Variants in ACTR10 observed in about 807,000 individuals in gnomAD.
The protein encoded by ACTR10 is actin-related protein 10.
In ACTR10, 43 loss-of-function variants were observed where a neutral mutation model predicts 56.2. That is an observed-to-expected ratio of 0.77 (90% CI 0.60 to 0.99). ACTR10 has a LOEUF of 0.99. Ranked by LOEUF, ACTR10 falls within the 50% of genes least tolerant of loss-of-function variation. The pLI, the probability that ACTR10 is intolerant of heterozygous loss-of-function variation, is 0.00. For missense variants in ACTR10, 466 were observed against 507.8 expected (o/e 0.92, Z 0.79); for synonymous variants, 170 against 176.3 (o/e 0.96, Z 0.28).
In ACTR10 at chr14:58,200,207, G is replaced by T. The variant is rs1446862506; in HGVS notation, c.-11G>T. 1 of 1,529,576 alleles carries T rather than the reference G, an allele frequency of 6.5e-7. No individual in the cohort carries two copies. Among genetic ancestry groups the T allele is most frequent in the African/African-American group, 1.4e-5 (1 of 70,098 alleles). The allele number at this position is 1,529,576 out of a possible 1,614,324, so 94.8% of individuals were successfully genotyped here. A position where few individuals can be genotyped will look rare whatever the true frequency, so the allele number is the denominator to read the frequency against. On this transcript the variant is annotated 5_prime_UTR_variant, in exon 1 of 13. Transcript: ENST00000254286. ...GACTGCGACCCTCTTCTCTCAGTCT[G>T]CCTTACTACCATGCCGCTCTACGAG...
intron 10 of ACTR10, among the ~76,000 whole-genome samples, chr14:58,226,842 T>C (rs1323212946): frequency 6.6e-6 from 1 of 152,042 alleles, no homozygotes; most frequent in African/African-American, 2.4e-5. Flanking sequence ...TCAGGTGATC[T>C]GCCTGCCTTG....
chr14:58,203,010 CA>C, intron 2 of ACTR10, 83 bp downstream of exon 2: 1 of 1,033,986 alleles, frequency 9.7e-7, no homozygotes, highest in Non-Finnish European at 1.4e-6. Context: ...TTGATTAAAA[CA>C]GTACTAAAGG....
At position 58,200,239 on chromosome 14, in the gene ACTR10, G is replaced by T; in HGVS notation, c.22G>T (p.Gly8Trp). Residue 8 changes from glycine to tryptophan, a missense_variant, in exon 1 of 13, where the codon GGG becomes TGG. Gly to Trp is a radical substitution (Grantham distance 184). Coordinates refer to ENST00000254286, the MANE Select transcript of ACTR10 (RefSeq NM_018477.3). Reference protein sequence around the residue: MPLYEGLGSGGEKTAVVI... With the variant: MPLYEGLWSGGEKTAVVI... ...TACCATGCCGCTCTACGAGGGCCTG[G>T]GGAGCGGCGGGGAGAAGACGGCGGT... 1 of 1,518,052 alleles carries T rather than the reference G, an allele frequency of 6.6e-7. No individual in the cohort carries two copies. 94.0% of individuals were successfully genotyped at this position (1,518,052 alleles called of 1,614,324 possible).
intron 2 of ACTR10, among the ~76,000 whole-genome samples, chr14:58,206,163 G>C (rs1376657546): frequency 6.6e-6 from 1 of 151,768 alleles, no homozygotes. Flanking sequence ...CACTTTCCTT[G>C]GTGCTTTGAG....
chr14:58,201,907 G>A lies in ACTR10; in HGVS notation c.78-948G>A, dbSNP rs74818253. Among the ~76,000 whole-genome samples the A allele has an allele frequency of 9.7e-3, 1,473 of 151,992 alleles. 12 individuals are homozygous for A. Among genetic ancestry groups the A allele is most frequent in the Non-Finnish European group, 0.014 (974 of 67,978 alleles). ...AATCCTAGCACTTTGGGAGGCCAAG[G>A]GGGGAGGATCGCTTGAGCCTGGGAA... On this transcript the variant is annotated intron_variant, in intron 1 of 12. Transcript: ENST00000254286.
chr14:58,223,785 TC>T lies in ACTR10; in HGVS notation c.720del (p.Ser241ProfsTer10). ...KFNIDGNNER[P>X]SPPPNVDYPL... is the part of the protein sequence containing the mutation. ...TGTTTATGATATTTATATTTCAGCGTCCCTCCCCACCCCCAAATGTTGACTA... is the reference window on the plus strand; with the variant it reads ...TGTTTATGATATTTATATTTCAGCGTCCTCCCCACCCCCAAATGTTGACTA... On this transcript the variant is annotated frameshift_variant, in exon 10 of 13. Coordinates refer to ENST00000254286, the MANE Select transcript of ACTR10 (RefSeq NM_018477.3). LOFTEE classifies it high-confidence loss of function. The T allele has an allele frequency of 6.2e-7, 1 of 1,612,792 alleles. No individual in the cohort carries two copies. The highest frequency in any genetic ancestry group is 8.5e-7 in the Non-Finnish European group (1 of 1,179,150).
intron 6 of ACTR10, 60 bp downstream of exon 6, chr14:58,213,758 C>A: frequency 4.4e-6 from 6 of 1,365,150 alleles, no homozygotes; most frequent in Non-Finnish European, 6.2e-6. Context: ...AGTTGCTAAT[C>A]TGTTTGTTGA....
At chr14:58,201,142 T>C (rs1253577456) in intron 1 of ACTR10, among the ~76,000 whole-genome samples, 1 of 152,192 alleles carries the variant, frequency 6.6e-6, no homozygotes, top group Non-Finnish European at 1.5e-5. Flanking sequence ...TCCTGACGTG[T>C]AGTAGGTATT....
chr14:58,229,036 A>G (rs993596225), intron 10 of ACTR10, among the ~76,000 whole-genome samples: 1 of 152,172 alleles, frequency 6.6e-6, no homozygotes, highest in Non-Finnish European at 1.5e-5. Flanking sequence ...TATAACTATA[A>G]TATGATATCA....
At chr14:58,233,469 A>G (rs1412628293) in intron 12 of ACTR10, among the ~76,000 whole-genome samples, 1 of 152,216 alleles carries the variant, frequency 6.6e-6, no homozygotes, top group Non-Finnish European at 1.5e-5. Context: ...AGAAATATCA[A>G]AAAAATTAAG....
chr14:58,215,544 T>C (rs1889112943), intron 7 of ACTR10, among the ~76,000 whole-genome samples: 1 of 152,082 alleles, frequency 6.6e-6, no homozygotes, highest in Non-Finnish European at 1.5e-5. Flanking sequence ...CTTTCAGGAT[T>C]CTTTTTTTTA....
chr14:58,215,609 C>T (rs993292181), intron 7 of ACTR10, among the ~76,000 whole-genome samples: 2 of 151,904 alleles, frequency 1.3e-5, no homozygotes, highest in Non-Finnish European at 2.9e-5. Flanking sequence ...CTCTTGCTTT[C>T]TCTACTTGTA....
In ACTR10 at chr14:58,223,774, A is replaced by G. The variant is rs929151568; in HGVS notation, c.715-9A>G. On this transcript the variant is annotated splice_polypyrimidine_tract_variant and intron_variant, in intron 9 of 12. Transcript: ENST00000254286. Reference sequence around the variant, plus strand: ...GTGTGGACTTATGTTTATGATATTTATATTTCAGCGTCCCTCCCCACCCCC... The same window carrying G: ...GTGTGGACTTATGTTTATGATATTTGTATTTCAGCGTCCCTCCCCACCCCC... The G allele has an allele frequency of 1.2e-6, 2 of 1,612,004 alleles. No individual in the cohort carries two copies. Among genetic ancestry groups the G allele is most frequent in the African/African-American group, 1.3e-5 (1 of 74,888 alleles).
At chr14:58,234,236 T>C (rs1447335429) in intron 12 of ACTR10, 134 bp from the exon 13 acceptor site, 7 of 628,726 alleles carry the variant, frequency 1.1e-5, no homozygotes, top group Non-Finnish European at 1.8e-5. Flanking sequence ...CTGGAATTAC[T>C]TTGAAGATTG....
chr14:58,234,674 T>C lies in ACTR10; in HGVS notation c.*123T>C, dbSNP rs375887760. ...TAGTGGAAGTGAAAGCATTCTGTGT[T>C]TACTCTTTGCATTAATATATAATTC... On this transcript the variant is annotated 3_prime_UTR_variant, in exon 13 of 13. Coordinates refer to ENST00000254286, the MANE Select transcript of ACTR10 (RefSeq NM_018477.3). 1.2e-6 allele frequency: 1 copy of C among 853,208 alleles called. No individual in the cohort carries two copies. Among genetic ancestry groups the C allele is most frequent in the Non-Finnish European group, 1.7e-6 (1 of 589,154 alleles). The allele number at this position is 853,208 out of a possible 1,614,324, so 52.9% of individuals were successfully genotyped here.
intron 8 of ACTR10, among the ~76,000 whole-genome samples, chr14:58,220,787 A>G (rs1277157775): frequency 1.3e-5 from 2 of 152,196 alleles, no homozygotes; most frequent in Non-Finnish European, 2.9e-5. Context: ...ACCTTTTTGG[A>G]AAGCAATCTG....
intron 4 of ACTR10, among the ~76,000 whole-genome samples, chr14:58,209,698 C>T (rs1418543003): frequency 6.6e-6 from 1 of 151,974 alleles, no homozygotes; most frequent in Admixed American, 6.6e-5. Context: ...ATTTTATCAC[C>T]AAGAATATGT....
At chr14:58,215,926 C>T (rs941716550) in intron 7 of ACTR10, among the ~76,000 whole-genome samples, 3 of 151,302 alleles carry the variant, frequency 2.0e-5, no homozygotes, top group Non-Finnish European at 4.4e-5. Flanking sequence ...GGAAGTTAGC[C>T]TTTCAATTCT....
intron 6 of ACTR10, among the ~76,000 whole-genome samples, chr14:58,214,591 A>G (rs1889086747): frequency 6.6e-6 from 1 of 151,360 alleles, no homozygotes; most frequent in South Asian, 2.1e-4. Context: ...CCTGGTTTCA[A>G]GCGATTCTCC....
Sources: gnomAD v4.1 joint callset for allele counts (sites outside exome capture counted in the v4.1 genomes callset) on GRCh38, gnomAD v4.1.1 for gene constraint, MANE v1.5 for transcripts, NCBI Gene and HGNC (gene_info 2026-07-23, HGNC 2026-07-21) for gene names.